The following CPED1 variants were observed in gnomAD, a reference collection of about 807,000 sequenced individuals.
The protein encoded by CPED1 is cadherin like and PC-esterase domain containing 1.
CPED1 carries 114 observed loss-of-function variants against 128.2 expected under a neutral mutation model. The ratio of observed to expected loss-of-function variants is 0.89; its 90% CI spans 0.76 to 1.04. The LOEUF (loss-of-function observed/expected upper bound fraction) is 1.04. Ranked by LOEUF, CPED1 falls within the 50% of genes least tolerant of loss-of-function variation. CPED1 has a pLI of 0.00. For synonymous variants in CPED1, 462 were observed against 426.7 expected, an observed-to-expected ratio of 1.08 and a Z score of -1.02; for missense variants, 1,211 against 1,207.1, an observed-to-expected ratio of 1.00 and a Z score of -0.05.
chr7:121,108,084 A>G (rs1795020994), intron 7 of CPED1, among the ~76,000 whole-genome samples: 2 of 152,130 alleles, frequency 1.3e-5, no homozygotes, highest in Admixed American at 1.3e-4. Context: ...AGTGAGATGG[A>G]GCAAAACAAT....
At chr7:121,218,698 G>A (rs1337866814) in intron 16 of CPED1, among the ~76,000 whole-genome samples, 3 of 151,956 alleles carry the variant, frequency 2.0e-5, no homozygotes, top group African/African-American at 2.4e-5. Context: ...ACACACTGGG[G>A]ACTGTCAGGG....
At chr7:121,040,557 A>G (rs1329318940) in intron 3 of CPED1, among the ~76,000 whole-genome samples, 4 of 152,086 alleles carry the variant, frequency 2.6e-5, no homozygotes, top group Non-Finnish European at 5.9e-5. Context: ...TATCATCAAT[A>G]AGCTAAAAAT....
At chr7:121,105,033 C>T (rs186828463) in intron 7 of CPED1, among the ~76,000 whole-genome samples, 25 of 152,088 alleles carry the variant, frequency 1.6e-4, no homozygotes, top group Non-Finnish European at 2.2e-4. Flanking sequence ...AGTTCTAAAT[C>T]ACCAGCTCTC....
chr7:121,116,534 T>C (rs1795237336), intron 7 of CPED1, among the ~76,000 whole-genome samples: 1 of 152,196 alleles, frequency 6.6e-6, no homozygotes, highest in Non-Finnish European at 1.5e-5. Flanking sequence ...GTTGTTGAGT[T>C]GTTAATTGTG....
At chr7:121,106,661 C>G (rs2116247865) in intron 7 of CPED1, among the ~76,000 whole-genome samples, 1 of 152,150 alleles carries the variant, frequency 6.6e-6, no homozygotes. Context: ...CTGTCCTGTT[C>G]ACAGCCTGCT....
chr7:121,053,259 T>A (rs570241298), intron 4 of CPED1, among the ~76,000 whole-genome samples: 3 of 152,194 alleles, frequency 2.0e-5, no homozygotes, highest in Non-Finnish European at 4.4e-5. Context: ...ACCTATCTAC[T>A]ACCCTTCATT....
intron 5 of CPED1, among the ~76,000 whole-genome samples, chr7:121,080,348 A>G (rs1794252632): frequency 6.6e-6 from 1 of 152,174 alleles, no homozygotes; most frequent in Non-Finnish European, 1.5e-5. Context: ...AGTGATTGTG[A>G]TATGATATTT....
In CPED1 at chr7:121,123,919, C is replaced by A. The variant is rs142864181; in HGVS notation, c.919-412C>A. ...TTAACATGACTTTCAAATACATTTT[C>A]TTCTAATTTGGCTTCACATCTCTCT... On this transcript the variant is annotated intron_variant, in intron 7 of 22. Transcript: ENST00000310396. Among the ~76,000 whole-genome samples the A allele has an allele frequency of 3.2e-3, 494 of 152,258 alleles. 2 individuals carry two copies. The highest frequency in any genetic ancestry group is 0.011 in the African/African-American group (465 of 41,558).
At chr7:121,133,366 A>G (rs903751165) in intron 12 of CPED1, among the ~76,000 whole-genome samples, 4 of 152,134 alleles carry the variant, frequency 2.6e-5, no homozygotes, top group African/African-American at 9.7e-5. Flanking sequence ...ATTAGAGTTT[A>G]AGGGTAGAAG....
chr7:121,279,360 G>A (rs1792401141), intron 22 of CPED1, among the ~76,000 whole-genome samples: 1 of 151,854 alleles, frequency 6.6e-6, no homozygotes, highest in African/African-American at 2.4e-5. Context: ...GACTAAATGA[G>A]GCAGATTGAC....
At chr7:121,157,436 C>T (rs1796313276) in intron 16 of CPED1, among the ~76,000 whole-genome samples, 1 of 151,960 alleles carries the variant, frequency 6.6e-6, no homozygotes, top group East Asian at 1.9e-4. Context: ...GGGGAAGATA[C>T]CAGTAGAGGA....
rs557015465 is a variant in CPED1 at position 121,025,544 on chromosome 7, G to C, written c.433+9696G>C. ...TACTCTAGCAGTGTTTCCCAAACTC[G>C]ATGAAATGCATGAGCCGTAGTGGAA... On this transcript the variant is annotated intron_variant, in intron 3 of 22. Transcript: ENST00000310396. Among the ~76,000 whole-genome samples the C allele has an allele frequency of 3.3e-5, 5 of 152,152 alleles. No individual in the cohort carries two copies. The South Asian group carries it at 1.0e-3, about 32-fold the overall frequency.
Position 121,140,861 on chromosome 7 carries a change from C to T in CPED1, c.1734C>T (p.Phe578=). 6.2e-7 allele frequency: 1 copy of T among 1,612,312 alleles called. No individual in the cohort carries two copies. Among genetic ancestry groups the T allele is most frequent in the Non-Finnish European group, 8.5e-7 (1 of 1,179,014 alleles). Residue 578 remains phenylalanine, a synonymous_variant, in exon 15 of 23, where the codon TTC becomes TTT. Coordinates refer to ENST00000310396, the MANE Select transcript of CPED1 (RefSeq NM_024913.5). ...CACCATGTCATATCAAGCAGATCTT[C>T]ACACATCCACATTTGGAACTAAATC... ...ENTPCHIKQI[F]THPHLELNPD...
At chr7:121,213,463 T>C (rs935201499) in intron 16 of CPED1, among the ~76,000 whole-genome samples, 14 of 152,030 alleles carry the variant, frequency 9.2e-5, no homozygotes, top group Admixed American at 7.9e-4. Flanking sequence ...TGTCAACTGT[T>C]TAGGAGACAC....
chr7:121,047,718 T>TTCTTCTTTTTCTTCTTCTTC (rs1563005080), intron 4 of CPED1, among the ~76,000 whole-genome samples: 1 of 92,660 alleles, frequency 1.1e-5, no homozygotes, highest in African/African-American at 6.6e-5. Flanking sequence ...TCTTCTTCTT[T>TTCTTCTTTTTCTTCTTCTTC]TTTTTTTTTT....
intron 16 of CPED1, among the ~76,000 whole-genome samples, chr7:121,208,906 A>C (rs1214978030): frequency 6.6e-6 from 1 of 152,102 alleles, no homozygotes; most frequent in Non-Finnish European, 1.5e-5. Context: ...AATGATGTGC[A>C]GGAAAATTGC....
rs572209646 is a variant in CPED1, at chr7:121,267,163, C to A, written c.2634-52C>A. The A allele has an allele frequency of 4.8e-5, 48 of 990,054 alleles. No homozygotes were observed. The African/African-American group carries it at 6.8e-4, about 14-fold the overall frequency. 61.3% of individuals were successfully genotyped at this position (990,054 alleles called of 1,614,324 possible). ...ATTTGTTTATATAAACAACAAACAT[C>A]TAGAAATGTAATTAAAGTTACTGAC... On this transcript the variant is annotated intron_variant, in intron 20 of 22. Coordinates refer to ENST00000310396, the MANE Select transcript of CPED1 (RefSeq NM_024913.5).
At position 121,244,228 on chromosome 7, in the gene CPED1, T is replaced by G; in HGVS notation, c.2200T>G (p.Cys734Gly). The G allele has an allele frequency of 6.2e-7, 1 of 1,614,184 alleles. No homozygotes were observed. The highest frequency in any genetic ancestry group is 1.1e-5 in the South Asian group (1 of 91,084). ...CCAGTGGATTGTGCCTTGCCTTAGTTGTTCGGACAACAGGACGTGTGACTG... is the reference window on the plus strand; with the variant it reads ...CCAGTGGATTGTGCCTTGCCTTAGTGGTTCGGACAACAGGACGTGTGACTG... ...KGQWIVPCLS[C>G]SDNRTCDWRE... The change falls in exon 18 of 23, where the codon TGT becomes GGT. Residue 734 changes from cysteine (C) to glycine (G), a missense_variant. Transcript: ENST00000310396.
At chr7:121,090,579 T>A (rs10215156) in intron 5 of CPED1, among the ~76,000 whole-genome samples, 1 of 152,186 alleles carries the variant, frequency 6.6e-6, no homozygotes, top group African/African-American at 2.4e-5. Flanking sequence ...TACCTTTATG[T>A]GTTTGGCGTA....
Sources: gnomAD v4.1 joint callset for allele counts (sites outside exome capture counted in the v4.1 genomes callset) on GRCh38, gnomAD v4.1.1 for gene constraint, MANE v1.5 for transcripts, NCBI Gene and HGNC (gene_info 2026-07-23, HGNC 2026-07-21) for gene names.